The following RYR2 variants were observed in gnomAD, a reference collection of about 807,000 sequenced individuals.
RYR2 encodes the protein cardiac muscle ryanodine receptor-calcium release channel.
Under a neutral mutation model 601.1 loss-of-function variants are expected in RYR2, and 227 were observed. The observed-to-expected ratio is 0.38, with a 90% CI of 0.34 to 0.42. The LOEUF (loss-of-function observed/expected upper bound fraction) is 0.42. RYR2 is among the 10% of genes least tolerant of loss of function. The probability of loss-of-function intolerance (pLI) is 1.00; values close to 1 mark genes in which losing one functional copy is unlikely to be tolerated. For missense variants in RYR2, 4,646 were observed against 6,156.5 expected, an observed-to-expected ratio of 0.75 and a Z score of 8.21; for synonymous variants, 2,223 against 2,175.1, an observed-to-expected ratio of 1.02 and a Z score of -0.61.
intron 1 of RYR2, among the ~76,000 whole-genome samples, chr1:237,121,422 C>T (rs777140506): frequency 1.5e-4 from 23 of 152,060 alleles, no homozygotes; most frequent in Non-Finnish European, 2.4e-4. Context: ...TTTTCTTGAT[C>T]GAGGAGAAAG....
rs56196440 is a variant in RYR2, at chr1:237,472,396, A to C, written c.1708+3209A>C. Among the ~76,000 whole-genome samples the C allele has an allele frequency of 4.6e-3, 704 of 152,278 alleles. 4 individuals carry two copies. The highest frequency in any genetic ancestry group is 6.6e-3 in the Non-Finnish European group (451 of 68,018). ...TGGGATCTAGACCATTCTAGTCTTT[A>C]CTGCCTTGGCAGGTCCCCAGTGCCT... is the stretch of plus-strand genomic sequence containing the variant. On this transcript the variant is annotated intron_variant, in intron 17 of 104. Coordinates refer to ENST00000366574, the MANE Select transcript of RYR2 (RefSeq NM_001035.3).
chr1:237,557,098 T>A (rs1670983379), intron 27 of RYR2, among the ~76,000 whole-genome samples: 1 of 152,084 alleles, frequency 6.6e-6, no homozygotes, highest in Non-Finnish European at 1.5e-5. Context: ...TGCATAACTG[T>A]TGGCTAAAGA....
intron 1 of RYR2, among the ~76,000 whole-genome samples, chr1:237,265,297 G>A (rs1218391632): frequency 1.3e-5 from 2 of 152,112 alleles, no homozygotes; most frequent in Non-Finnish European, 2.9e-5. Flanking sequence ...GCAGTGCAGA[G>A]CCTTGTAGGC....
intron 2 of RYR2, among the ~76,000 whole-genome samples, chr1:237,287,896 A>G (rs980415398): frequency 2.0e-5 from 3 of 152,062 alleles, no homozygotes; most frequent in Admixed American, 6.5e-5. Flanking sequence ...TTGTTTTGTC[A>G]TATTACCAGG....
chr1:237,515,890 T>G lies in RYR2; in HGVS notation c.2822+4099T>G, dbSNP rs1424225404. On this transcript the variant is annotated intron_variant, in intron 24 of 104. Coordinates refer to ENST00000366574, the MANE Select transcript of RYR2 (RefSeq NM_001035.3). ...CTTCTTTTCCTTCCTCTTCTCCTCC[T>G]CCCTCTTCTCCTTCTCCCTCTTCTC... is the stretch of plus-strand genomic sequence containing the variant. 2.4e-4 allele frequency among the ~76,000 whole-genome samples: 35 copies of G among 146,986 alleles called. 1 individual carries two copies. Among genetic ancestry groups the G allele is most frequent in the African/African-American group, 7.6e-4 (30 of 39,632 alleles).
intron 28 of RYR2, among the ~76,000 whole-genome samples, chr1:237,567,777 TA>T (rs148000374): frequency 0.012 from 1,765 of 151,890 alleles, 30 homozygotes; most frequent in African/African-American, 0.04. Context: ...CCAAGAAAAA[TA>T]AAATTAGAAT....
chr1:237,823,527 G>T (rs1249458878), intron 101 of RYR2, among the ~76,000 whole-genome samples: 1 of 152,224 alleles, frequency 6.6e-6, no homozygotes, highest in African/African-American at 2.4e-5. Flanking sequence ...CACATTTAAA[G>T]TAGTGTGTAG....
intron 25 of RYR2, among the ~76,000 whole-genome samples, chr1:237,536,869 G>C (rs1558987600): frequency 6.6e-6 from 1 of 150,494 alleles, no homozygotes; most frequent in Non-Finnish European, 1.5e-5. Context: ...CTGGGCGACA[G>C]AGCGAGACTC....
At chr1:237,288,896 C>T (rs140020867) in intron 2 of RYR2, among the ~76,000 whole-genome samples, 1 of 152,272 alleles carries the variant, frequency 6.6e-6, no homozygotes, top group East Asian at 1.9e-4. Flanking sequence ...TGGAGTTTTA[C>T]CCCGTGCTCC....
chr1:237,756,044 T>G (rs933795595), intron 80 of RYR2, among the ~76,000 whole-genome samples: 5 of 150,712 alleles, frequency 3.3e-5, no homozygotes, highest in African/African-American at 1.2e-4. Flanking sequence ...ATCATTAAAA[T>G]TGAGAAAAAA....
At chr1:237,726,559 GTCT>G (rs1690215098) in intron 75 of RYR2, among the ~76,000 whole-genome samples, 3 of 151,928 alleles carry the variant, frequency 2.0e-5, no homozygotes, top group African/African-American at 4.8e-5. Context: ...ACAAAGCGTT[GTCT>G]TCTTCTCTTT....
At chr1:237,434,326 G>A (rs73104485) in intron 12 of RYR2, among the ~76,000 whole-genome samples, 6 of 152,096 alleles carry the variant, frequency 3.9e-5, no homozygotes, top group South Asian at 4.1e-4. Context: ...CAGGATTTGA[G>A]GGAAGAATCA....
Position 237,699,043 on chromosome 1 carries a change from T to G in RYR2, c.9128+18T>G. The G allele has an allele frequency of 7.8e-7, 1 of 1,282,450 alleles. No individual in the cohort carries two copies. The highest frequency in any genetic ancestry group is 1.1e-6 in the Non-Finnish European group (1 of 907,506). The allele number at this position is 1,282,450 out of a possible 1,614,324, so 79.4% of individuals were successfully genotyped here. On this transcript the variant is annotated intron_variant, in intron 64 of 104. Coordinates refer to ENST00000366574, the MANE Select transcript of RYR2 (RefSeq NM_001035.3). ...GATGCAAGGTAAATGGATACATTTT[T>G]ACCTAAATAAATTACTATAATAATG...
At chr1:237,334,310 G>A (rs1697036905) in intron 3 of RYR2, among the ~76,000 whole-genome samples, 2 of 152,000 alleles carry the variant, frequency 1.3e-5, no homozygotes, top group Admixed American at 6.6e-5. Flanking sequence ...ATTACCTAAT[G>A]TATGAAGTTT....
chr1:237,099,163 CAG>C (rs1667808850), intron 1 of RYR2, among the ~76,000 whole-genome samples: 5 of 151,718 alleles, frequency 3.3e-5, no homozygotes, highest in African/African-American at 1.2e-4. Context: ...TAAGTTAATT[CAG>C]CCCAGCTGGT....
At chr1:237,416,137 G>A (rs1704957605) in intron 10 of RYR2, among the ~76,000 whole-genome samples, 1 of 152,140 alleles carries the variant, frequency 6.6e-6, no homozygotes, top group East Asian at 1.9e-4. Context: ...GTAACATGAA[G>A]GTCACTTGAT....
chr1:237,270,426 A>G, intron 1 of RYR2, 71 bp from the exon 2 acceptor site: 5 of 1,538,054 alleles, frequency 3.3e-6, no homozygotes, highest in Non-Finnish European at 4.4e-6. Context: ...AATGTTCTTC[A>G]AGATATGATT....
chr1:237,333,941 T>C (rs1696995081), intron 3 of RYR2, among the ~76,000 whole-genome samples: 1 of 152,226 alleles, frequency 6.6e-6, no homozygotes, highest in Non-Finnish European at 1.5e-5. Context: ...TTCCCAACTC[T>C]TTCATAATCA....
chr1:237,366,598 C>T (rs1424502012), intron 5 of RYR2, among the ~76,000 whole-genome samples: 4 of 148,808 alleles, frequency 2.7e-5, no homozygotes, highest in African/African-American at 9.9e-5. Context: ...AACACAGAGC[C>T]AAAAAACAAA....
Sources: gnomAD v4.1 joint callset for allele counts (sites outside exome capture counted in the v4.1 genomes callset) on GRCh38, gnomAD v4.1.1 for gene constraint, MANE v1.5 for transcripts, NCBI Gene and HGNC (gene_info 2026-07-23, HGNC 2026-07-21) for gene names.